DIP2A: variants seen among roughly 807,000 people sequenced by gnomAD.
The protein encoded by DIP2A is DIP2 acetate--CoA ligase A.
A neutral mutation model predicts 177.4 loss-of-function variants in DIP2A; 85 were observed. The observed-to-expected ratio is 0.48, with a 90% CI of 0.40 to 0.57. The LOEUF (loss-of-function observed/expected upper bound fraction) is 0.57, where lower values mean the gene tolerates loss of function less well. Among genes scored for constraint, DIP2A ranks in the 20% least tolerant of loss-of-function variants. The probability of loss-of-function intolerance (pLI) is 0.00; values close to 1 mark genes in which losing one functional copy is unlikely to be tolerated. For synonymous variants in DIP2A, 886 were observed against 881.8 expected, an observed-to-expected ratio of 1.00 and a Z score of -0.08; for missense variants, 1,791 against 2,100.2, an observed-to-expected ratio of 0.85 and a Z score of 2.88.
In DIP2A at chr21:46,565,971, C is replaced by T. The variant is rs2060824363; in HGVS notation, c.4339+84C>T. The T allele has an allele frequency of 4.1e-6, 6 of 1,478,388 alleles. No homozygotes were observed. In the South Asian group the frequency reaches 4.9e-5, roughly 12 times the overall value. 91.6% of individuals were successfully genotyped at this position (1,478,388 alleles called of 1,614,324 possible). A position where few individuals can be genotyped will look rare whatever the true frequency, so the allele number is the denominator to read the frequency against. ...AAGAGCTTAGTCACCTGCTAGCACACCTCACTCCTTGCTGTGGTCTGGTAT... is the reference window on the plus strand; with the variant it reads ...AAGAGCTTAGTCACCTGCTAGCACATCTCACTCCTTGCTGTGGTCTGGTAT... On this transcript the variant is annotated intron_variant, in intron 36 of 37. Transcript: ENST00000417564.
chr21:46,574,096 A>T (rs948196229), downstream of DIP2A, among the ~76,000 whole-genome samples: 1 of 152,208 alleles, frequency 6.6e-6, no homozygotes, highest in African/African-American at 2.4e-5. Context: ...AGGATAGACA[A>T]CATGTTAGGC....
chr21:46,505,895 C>G (rs2057954682), intron 6 of DIP2A, among the ~76,000 whole-genome samples: 1 of 152,288 alleles, frequency 6.6e-6, no homozygotes, highest in South Asian at 2.1e-4. Flanking sequence ...TGTTCTGTAT[C>G]AATAGTTTAC....
intron 16 of DIP2A, 97 bp from the exon 17 acceptor site, chr21:46,539,780 A>G (rs764664074): frequency 4.0e-6 from 4 of 1,008,500 alleles, no homozygotes; most frequent in African/African-American, 1.6e-5. Context: ...TGTGGTTCCG[A>G]TGGCCGCAGG....
At chr21:46,494,689 A>G (rs1175865847) in intron 3 of DIP2A, among the ~76,000 whole-genome samples, 2 of 152,228 alleles carry the variant, frequency 1.3e-5, no homozygotes, top group African/African-American at 4.8e-5. Context: ...TCCAATGGCA[A>G]CCAATTGATT....
intron 1 of DIP2A, among the ~76,000 whole-genome samples, chr21:46,467,340 A>G (rs1336331287): frequency 6.6e-6 from 1 of 151,970 alleles, no homozygotes; most frequent in African/African-American, 2.4e-5. Flanking sequence ...TATTTAAAAA[A>G]TTTCACAGTA....
intron 1 of DIP2A, among the ~76,000 whole-genome samples, chr21:46,468,499 C>T (rs765113245): frequency 2.0e-5 from 3 of 151,788 alleles, no homozygotes; most frequent in Non-Finnish European, 2.9e-5. Flanking sequence ...TAGTCAGACT[C>T]ATAGAAGCAG....
the DIP2A span, among the ~76,000 whole-genome samples, chr21:46,581,667 CT>C: frequency 2.0e-5 from 3 of 152,150 alleles, no homozygotes; most frequent in South Asian, 2.1e-4. Context: ...TTGTTGCTTT[CT>C]TTCTTTTAAC....
At chr21:46,583,026 A>G in the DIP2A span, among the ~76,000 whole-genome samples, 1 of 152,192 alleles carries the variant, frequency 6.6e-6, no homozygotes, top group Non-Finnish European at 1.5e-5. Flanking sequence ...CCTTTTATTC[A>G]AAGATACAAA....
rs1334309254 is a variant in DIP2A, at chr21:46,550,727, C to T, written c.2822C>T (p.Pro941Leu). The change falls in exon 23 of 38, where the codon CCT becomes CTT. Residue 941 changes from proline (P) to leucine (L), a missense_variant. Transcript: ENST00000417564. ...ACCTGTGTTACCAACCTCCCCAAAC[C>T]TCGTCAGAAACAACCAGGTTAGTTG... ...PHTCVTNLPK[P>L]RQKQPEVGPA... 2 of 1,613,918 alleles carry T rather than the reference C, an allele frequency of 1.2e-6. No individual in the cohort carries two copies. Among genetic ancestry groups the T allele is most frequent in the Non-Finnish European group, 1.7e-6 (2 of 1,179,910 alleles).
At chr21:46,493,089 TAC>T (rs1481337463) in intron 3 of DIP2A, among the ~76,000 whole-genome samples, 1 of 152,162 alleles carries the variant, frequency 6.6e-6, no homozygotes, top group Non-Finnish European at 1.5e-5. Flanking sequence ...ATCTTGGACA[TAC>T]AGTCTCCAGT....
chr21:46,557,134 C>A lies in DIP2A; in HGVS notation c.3629+65C>A. ...CTCGTGTGGCTCTTAGGAACCTTGG[C>A]CTTCTAAGGCACCTTTTCTGGGTGC... On this transcript the variant is annotated intron_variant, in intron 30 of 37. Transcript: ENST00000417564. The surrounding 1 kb of genome is among the most constrained non-coding windows in gnomAD (Gnocchi z 6.0). 1.3e-6 allele frequency: 2 copies of A among 1,503,010 alleles called. No homozygotes were observed. Among genetic ancestry groups the A allele is most frequent in the Non-Finnish European group, 1.8e-6 (2 of 1,118,198 alleles). 93.1% of individuals were successfully genotyped at this position (1,503,010 alleles called of 1,614,324 possible). A position where few individuals can be genotyped will look rare whatever the true frequency, so the allele number is the denominator to read the frequency against.
rs186542664 is a variant in DIP2A at position 46,565,595 on chromosome 21, C to T, written c.4165-118C>T. The T allele has an allele frequency of 2.8e-4, 293 of 1,043,250 alleles. 4 individuals are homozygous for T. In the African/African-American group the frequency reaches 3.5e-3, roughly 13 times the overall value. 64.6% of individuals were successfully genotyped at this position (1,043,250 alleles called of 1,614,324 possible). ...AAAATAAGAGACAATGAATATTATC[C>T]GCCCCGACTTCGTTCAGTGTTTTCT... On this transcript the variant is annotated intron_variant, in intron 35 of 37. Transcript: ENST00000417564.
At chr21:46,472,331 G>C (rs2055459598) in intron 1 of DIP2A, among the ~76,000 whole-genome samples, 1 of 152,186 alleles carries the variant, frequency 6.6e-6, no homozygotes, top group African/African-American at 2.4e-5. Flanking sequence ...CGCCCACTCT[G>C]GTATTCTGTT....
At chr21:46,550,833 A>AGT (rs2060245674) in intron 23 of DIP2A, 89 bp downstream of exon 23, 1 of 1,326,382 alleles carries the variant, frequency 7.5e-7, no homozygotes, top group Non-Finnish European at 1.0e-6. Flanking sequence ...CTAGACCTCC[A>AGT]GTGCCAACTG....
the DIP2A span, among the ~76,000 whole-genome samples, chr21:46,579,249 A>T: frequency 6.6e-6 from 1 of 152,084 alleles, no homozygotes; most frequent in East Asian, 1.9e-4. Context: ...GTGCATAGAG[A>T]TGTTTATAGT....
At chr21:46,539,684 T>G in intron 16 of DIP2A, 193 bp from the exon 17 acceptor site, 2 of 612,484 alleles carry the variant, frequency 3.3e-6, no homozygotes, top group Non-Finnish European at 3.0e-6. Context: ...GGCTGTCTGA[T>G]TTCCTTTAAA....
intron 8 of DIP2A, among the ~76,000 whole-genome samples, chr21:46,523,268 T>TC (rs1386460147): frequency 6.8e-6 from 1 of 148,070 alleles, no homozygotes; most frequent in Non-Finnish European, 1.5e-5. Context: ...GGAGTCTGGC[T>TC]CTGTCGCCCA....
intron 6 of DIP2A, among the ~76,000 whole-genome samples, chr21:46,508,048 T>A (rs1400237361): frequency 6.6e-6 from 1 of 151,672 alleles, no homozygotes; most frequent in Non-Finnish European, 1.5e-5. Context: ...CCCCATTTTT[T>A]TTTTTTTTAA....
chr21:46,484,548 A>G (rs2056565152), intron 1 of DIP2A, among the ~76,000 whole-genome samples: 1 of 152,190 alleles, frequency 6.6e-6, no homozygotes, highest in African/African-American at 2.4e-5. Context: ...TGCATGTGAG[A>G]TCTATCCAAA....
Sources: allele counts gnomAD v4.1 joint callset (sites outside exome capture counted in the v4.1 genomes callset), GRCh38; gene constraint gnomAD v4.1.1; non-coding constraint Gnocchi (gnomAD v3.1); transcripts MANE v1.5; gene names NCBI Gene and HGNC (gene_info 2026-07-23, HGNC 2026-07-21).